Variants in OSBPL1A observed in about 807,000 individuals in gnomAD.
OSBPL1A encodes the protein oxysterol binding protein like 1A.
OSBPL1A carries 80 observed loss-of-function variants against 137.1 expected under a neutral mutation model. The ratio of observed to expected loss-of-function variants is 0.58; its 90% CI spans 0.49 to 0.70. The LOEUF is 0.70. OSBPL1A is among the 30% of genes least tolerant of loss of function. The probability of loss-of-function intolerance (pLI) is 0.00; values close to 1 mark genes in which losing one functional copy is unlikely to be tolerated. For synonymous variants in OSBPL1A, 365 were observed against 389.7 expected (o/e 0.94, Z 0.75); for missense variants, 970 against 1,129.4 (o/e 0.86, Z 2.02).
intron 4 of OSBPL1A, among the ~76,000 whole-genome samples, chr18:24,354,524 T>C (rs1165344962): frequency 2.6e-5 from 4 of 152,010 alleles, no homozygotes; most frequent in Non-Finnish European, 4.4e-5. Context: ...GAAGTAACCA[T>C]AGCAACAGCT....
chr18:24,175,119 T>TAC (rs2086404829), intron 21 of OSBPL1A, among the ~76,000 whole-genome samples: 1 of 128,538 alleles, frequency 7.8e-6, no homozygotes, highest in Non-Finnish European at 1.6e-5. Context: ...TATATATATA[T>TAC]ATATATATAT....
In OSBPL1A at chr18:24,204,780, A is replaced by G. The variant is rs541037019; in HGVS notation, c.1602-8580T>C. ...CCCTATTCCCTTTCTCCTAAGACAG[A>G]GGAGCTCTCTCTCCAACACTTCTCT... On this transcript the variant is annotated intron_variant, in intron 17 of 27. Coordinates refer to ENST00000319481, the MANE Select transcript of OSBPL1A (RefSeq NM_080597.4). 4.6e-5 allele frequency among the ~76,000 whole-genome samples: 7 copies of G among 152,170 alleles called. No individual in the cohort carries two copies. The South Asian group carries it at 1.5e-3, about 32-fold the overall frequency.
intron 13 of OSBPL1A, among the ~76,000 whole-genome samples, chr18:24,308,945 A>C (rs1382404793): frequency 6.6e-6 from 1 of 151,966 alleles, no homozygotes; most frequent in African/African-American, 2.4e-5. Flanking sequence ...TAATTTTTGT[A>C]TTTTTAGCAG....
chr18:24,229,557 T>C (rs542715959), intron 16 of OSBPL1A, among the ~76,000 whole-genome samples: 5 of 152,204 alleles, frequency 3.3e-5, no homozygotes, highest in Non-Finnish European at 7.3e-5. Context: ...TACAGCATCG[T>C]TTCATGTGGA....
At chr18:24,361,447 C>T (rs2091619966) in intron 4 of OSBPL1A, among the ~76,000 whole-genome samples, 1 of 152,196 alleles carries the variant, frequency 6.6e-6, no homozygotes, top group South Asian at 2.1e-4. Flanking sequence ...TTCCAAAAAT[C>T]TATCATTGAC....
intron 26 of OSBPL1A, 21 bp from the exon 27 acceptor site, chr18:24,165,176 C>G (rs1227270327): frequency 1.9e-6 from 3 of 1,577,594 alleles, no homozygotes; most frequent in Non-Finnish European, 2.6e-6. Flanking sequence ...AACATCAACA[C>G]AAACCATTAA....
intron 15 of OSBPL1A, among the ~76,000 whole-genome samples, chr18:24,244,335 C>T (rs1022606269): frequency 6.6e-6 from 1 of 152,182 alleles, no homozygotes; most frequent in African/African-American, 2.4e-5. Flanking sequence ...ACTTCCTTCA[C>T]AGAACTAGTG....
intron 21 of OSBPL1A, among the ~76,000 whole-genome samples, chr18:24,176,013 T>A (rs913112876): frequency 2.0e-5 from 3 of 152,258 alleles, no homozygotes; most frequent in South Asian, 2.1e-4. Context: ...TTGTCTATAG[T>A]TTGGCCACCA....
At chr18:24,354,748 C>CAAAACAA (rs2091501774) in intron 4 of OSBPL1A, among the ~76,000 whole-genome samples, 1 of 77,074 alleles carries the variant, frequency 1.3e-5, no homozygotes, top group South Asian at 6.5e-4. Flanking sequence ...CTCAATATAG[C>CAAAACAA]AAAAAAAAAA....
chr18:24,241,833 T>C (rs1021451605), intron 15 of OSBPL1A, among the ~76,000 whole-genome samples: 1 of 152,166 alleles, frequency 6.6e-6, no homozygotes, highest in African/African-American at 2.4e-5. Flanking sequence ...ACACATATGT[T>C]TATTGCAGCA....
At chr18:24,310,061 GAA>G (rs1204969640) in intron 13 of OSBPL1A, among the ~76,000 whole-genome samples, 3 of 104,320 alleles carry the variant, frequency 2.9e-5, no homozygotes, top group South Asian at 3.4e-4. Flanking sequence ...AAAAAAAAAA[GAA>G]AAAAAAAAAA....
intron 24 of OSBPL1A, among the ~76,000 whole-genome samples, chr18:24,168,238 G>C (rs1218260046): frequency 6.6e-6 from 1 of 152,142 alleles, no homozygotes; most frequent in Non-Finnish European, 1.5e-5. Flanking sequence ...AGCATCATTT[G>C]AGTATCTACT....
intron 14 of OSBPL1A, among the ~76,000 whole-genome samples, chr18:24,288,245 GA>G: frequency 6.6e-6 from 1 of 152,332 alleles, no homozygotes; most frequent in Non-Finnish European, 1.5e-5. Flanking sequence ...AAATGCATGA[GA>G]AAAGGTCACT....
intron 1 of OSBPL1A, among the ~76,000 whole-genome samples, chr18:24,387,783 A>G (rs1907044766): frequency 6.6e-6 from 1 of 151,462 alleles, no homozygotes; most frequent in African/African-American, 2.4e-5. Flanking sequence ...GTCTATGTAG[A>G]CTTGAATATC....
intron 19 of OSBPL1A, among the ~76,000 whole-genome samples, chr18:24,180,276 T>G (rs567371573): frequency 1.3e-5 from 2 of 152,222 alleles, no homozygotes; most frequent in African/African-American, 4.8e-5. Flanking sequence ...CAGTTTAGAA[T>G]GCTATTGCTT....
chr18:24,260,368 C>T (rs982066807), intron 15 of OSBPL1A, among the ~76,000 whole-genome samples: 1 of 152,146 alleles, frequency 6.6e-6, no homozygotes, highest in Non-Finnish European at 1.5e-5. Flanking sequence ...AAAACATTCA[C>T]AGCATTACTA....
chr18:24,347,382 A>G (rs1176887464), intron 4 of OSBPL1A, among the ~76,000 whole-genome samples: 3 of 151,862 alleles, frequency 2.0e-5, no homozygotes, highest in African/African-American at 7.3e-5. Context: ...TGGGGGTTTC[A>G]CCATGTTGGC....
At position 24,171,451 on chromosome 18, in the gene OSBPL1A, C is replaced by T; in HGVS notation, c.2249G>A (p.Gly750Asp). The T allele has an allele frequency of 6.2e-7, 1 of 1,613,730 alleles. No homozygotes were observed. Among genetic ancestry groups the T allele is most frequent in the Non-Finnish European group, 8.5e-7 (1 of 1,179,814 alleles). Residue 750 changes from glycine (G) to aspartate (D), a missense_variant, in exon 23 of 28, where the codon GGT becomes GAT. Gly to Asp is a moderately conservative substitution (Grantham distance 94). This residue lies in a region of OSBPL1A where 323 missense variants were observed against 456.8 expected (regional missense o/e 0.71). Coordinates refer to ENST00000319481, the MANE Select transcript of OSBPL1A (RefSeq NM_080597.4). ...VLNFKPCGLF[G>D]KELHKVEGYI... ...GCCTTCAACTTTGTGTAATTCCTTA[C>T]CAAAAAGGCCACATGGCTTAAAATT...
intron 4 of OSBPL1A, among the ~76,000 whole-genome samples, chr18:24,353,371 C>A (rs973538347): frequency 1.4e-4 from 22 of 152,140 alleles, no homozygotes; most frequent in Admixed American, 3.9e-4. Context: ...CAATGAGATA[C>A]CATCTCACAC....
Sources: allele counts gnomAD v4.1 joint callset (sites outside exome capture counted in the v4.1 genomes callset), GRCh38; gene constraint gnomAD v4.1.1; regional missense constraint gnomAD v4.1.1; transcripts MANE v1.5; gene names NCBI Gene and HGNC (gene_info 2026-07-23, HGNC 2026-07-21).